FBXO11: variants seen among roughly 807,000 people sequenced by gnomAD.
FBXO11 encodes F-box only protein 11.
A neutral mutation model predicts 117.0 loss-of-function variants in FBXO11; 13 were observed. The observed-to-expected ratio is 0.11, with a 90% CI of 0.07 to 0.18. FBXO11 has a LOEUF of 0.18. FBXO11 is among the 10% of genes least tolerant of loss of function. The probability of loss-of-function intolerance (pLI) is 1.00; values close to 1 mark genes in which losing one functional copy is unlikely to be tolerated. For synonymous variants in FBXO11, 490 were observed against 380.5 expected (o/e 1.29, Z -3.35); for missense variants, 767 against 1,164.4 (o/e 0.66, Z 4.97).
rs186812114 is a variant in FBXO11 at position 47,888,670 on chromosome 2, T to G, written c.232+16819A>C. The G allele has an allele frequency of 1.6e-5, 16 of 983,804 alleles. No homozygotes were observed. In the South Asian group the frequency reaches 7.5e-4, roughly 46 times the overall value. The allele number at this position is 983,804 out of a possible 1,614,324, so 60.9% of individuals were successfully genotyped here. A position where few individuals can be genotyped will look rare whatever the true frequency, so the allele number is the denominator to read the frequency against. Reference sequence around the variant, plus strand: ...TGGAATAACACTTAAAATTTCCTGTTAGACAGTTTTTCAGCCATTGCAATG... The same window carrying G: ...TGGAATAACACTTAAAATTTCCTGTGAGACAGTTTTTCAGCCATTGCAATG... On this transcript the variant is annotated intron_variant, in intron 1 of 22. Coordinates refer to ENST00000403359, the MANE Select transcript of FBXO11 (RefSeq NM_001190274.2).
intron 13 of FBXO11, 115 bp downstream of exon 13, chr2:47,822,103 T>A: frequency 1.4e-6 from 1 of 720,110 alleles, no homozygotes. Context: ...AAGAAAAAAA[T>A]TAAAGAGCTG....
chr2:47,840,930 G>T (rs1288814939), intron 1 of FBXO11, among the ~76,000 whole-genome samples: 1 of 151,766 alleles, frequency 6.6e-6, no homozygotes, highest in Non-Finnish European at 1.5e-5. Context: ...ATAACACAGT[G>T]GCTCAAGCCT....
intron 1 of FBXO11, 57 bp downstream of exon 1, chr2:47,905,432 G>A (rs1678710252): frequency 1.7e-6 from 2 of 1,183,906 alleles, no homozygotes; most frequent in Non-Finnish European, 1.0e-6. Context: ...GCCCGCCCCG[G>A]CCTCCCTTCC....
intron 1 of FBXO11, among the ~76,000 whole-genome samples, chr2:47,845,587 C>CAT (rs1673347214): frequency 6.6e-6 from 1 of 152,194 alleles, no homozygotes. Flanking sequence ...GGGTTCGCTT[C>CAT]ATCTTTTGAA....
At chr2:47,887,299 G>C (rs532381173) in intron 1 of FBXO11, among the ~76,000 whole-genome samples, 2 of 150,918 alleles carry the variant, frequency 1.3e-5, no homozygotes, top group East Asian at 1.9e-4. Flanking sequence ...AAAAAAAGGT[G>C]GGGGGGAGGG....
At chr2:47,864,819 A>G (rs556585792) in intron 1 of FBXO11, among the ~76,000 whole-genome samples, 9 of 152,294 alleles carry the variant, frequency 5.9e-5, no homozygotes, top group African/African-American at 2.2e-4. Flanking sequence ...AAGCCTTGAA[A>G]TTTACTTCTA....
chr2:47,856,848 G>C (rs750103949), intron 1 of FBXO11, among the ~76,000 whole-genome samples: 1 of 152,186 alleles, frequency 6.6e-6, no homozygotes, highest in Non-Finnish European at 1.5e-5. Context: ...CAAGAACCAC[G>C]AATGTCGTAA....
At chr2:47,824,482 A>C (rs945150108) in intron 11 of FBXO11, among the ~76,000 whole-genome samples, 4 of 152,216 alleles carry the variant, frequency 2.6e-5, no homozygotes, top group Non-Finnish European at 5.9e-5. Flanking sequence ...ACAGAGTCTC[A>C]AAAATAAATA....
intron 1 of FBXO11, among the ~76,000 whole-genome samples, chr2:47,885,643 C>G (rs755197748): frequency 6.6e-6 from 1 of 152,130 alleles, no homozygotes; most frequent in South Asian, 2.1e-4. Flanking sequence ...AAAAGAAAAA[C>G]AGCCAAAGCA....
At chr2:47,881,482 C>T (rs144811390) in intron 1 of FBXO11, among the ~76,000 whole-genome samples, 98 of 152,122 alleles carry the variant, frequency 6.4e-4, no homozygotes, top group African/African-American at 1.7e-3. Flanking sequence ...AAAATTAGCA[C>T]GCCTCCTCTC....
chr2:47,848,707 T>C (rs1673610057), intron 1 of FBXO11, among the ~76,000 whole-genome samples: 1 of 152,286 alleles, frequency 6.6e-6, no homozygotes, highest in East Asian at 1.9e-4. Context: ...TTCTGGAAAA[T>C]AAACATGTTT....
chr2:47,879,457 A>C lies in FBXO11; in HGVS notation c.232+26032T>G, dbSNP rs372429547. On this transcript the variant is annotated intron_variant, in intron 1 of 22. Transcript: ENST00000403359. The stretch of plus-strand genomic sequence containing the variant: ...GCCCAACTTTTGTTTTTGCCTAATA[A>C]GGGAACTATAATCATTGTAGTTTTA... Among the ~76,000 whole-genome samples, 52 of 152,328 alleles carry C rather than the reference A, an allele frequency of 3.4e-4. No individual in the cohort carries two copies. In the South Asian group the frequency reaches 7.0e-3, roughly 21 times the overall value.
intron 1 of FBXO11, among the ~76,000 whole-genome samples, chr2:47,844,619 T>C (rs938505253): frequency 5.9e-5 from 9 of 152,160 alleles, no homozygotes; most frequent in African/African-American, 2.2e-4. Flanking sequence ...AGTTTAGTTA[T>C]ATGTTTATAG....
At chr2:47,857,960 T>C (rs939387256) in intron 1 of FBXO11, among the ~76,000 whole-genome samples, 12 of 150,014 alleles carry the variant, frequency 8.0e-5, no homozygotes, top group South Asian at 4.2e-4. Flanking sequence ...CACACACACA[T>C]ACATATATTT....
At chr2:47,818,736 C>A (rs767218634) in intron 16 of FBXO11, 43 bp downstream of exon 16, 8 of 1,430,836 alleles carry the variant, frequency 5.6e-6, no homozygotes, top group Non-Finnish European at 7.6e-6. Context: ...CCCACATACT[C>A]CTAACTCCCT....
intron 1 of FBXO11, among the ~76,000 whole-genome samples, chr2:47,881,796 A>G (rs1676449248): frequency 1.3e-5 from 2 of 151,978 alleles, no homozygotes. Flanking sequence ...CCCAGGCTGG[A>G]GTGCAGTGGC....
chr2:47,836,956 T>C, intron 4 of FBXO11: 1 of 393,906 alleles, frequency 2.5e-6, no homozygotes, highest in South Asian at 1.8e-5. Context: ...CAGGCTGGTC[T>C]CAAACTCCTG....
intron 1 of FBXO11, among the ~76,000 whole-genome samples, chr2:47,885,505 G>A (rs1211972184): frequency 2.0e-5 from 3 of 152,078 alleles, no homozygotes; most frequent in African/African-American, 4.8e-5. Flanking sequence ...AACCCAGGAG[G>A]TGGAGGCTGC....
intron 1 of FBXO11, among the ~76,000 whole-genome samples, chr2:47,867,778 G>C (rs572858481): frequency 3.9e-5 from 6 of 152,050 alleles, no homozygotes; most frequent in African/African-American, 1.2e-4. Context: ...TGTAGACATG[G>C]ATACATACAT....
Sources: allele counts gnomAD v4.1 joint callset (sites outside exome capture counted in the v4.1 genomes callset), GRCh38; gene constraint gnomAD v4.1.1; transcripts MANE v1.5; gene names NCBI Gene and HGNC (gene_info 2026-07-23, HGNC 2026-07-21).